Variants in C9orf85 observed in about 807,000 individuals in gnomAD.
C9orf85 encodes uncharacterized protein C9orf85.
Under a neutral mutation model 14.9 loss-of-function variants are expected in C9orf85, and 16 were observed. The ratio of observed to expected loss-of-function variants is 1.08; its 90% confidence interval spans 0.73 to 1.63. The LOEUF (loss-of-function observed/expected upper bound fraction) is 1.63, where lower values mean the gene tolerates loss of function less well. Among genes scored for constraint, C9orf85 ranks in the 40% most tolerant of loss-of-function variants. The pLI, the probability that C9orf85 is intolerant of heterozygous loss-of-function variation, is 0.00. For missense variants in C9orf85, 172 were observed against 186.1 expected, an observed-to-expected ratio of 0.92 and a Z score of 0.44; for synonymous variants, 45 against 56.8, an observed-to-expected ratio of 0.79 and a Z score of 0.93.
chr9:71,935,697 T>G (rs1051545766), intron 1 of C9orf85, among the ~76,000 whole-genome samples: 6 of 151,820 alleles, frequency 4.0e-5, no homozygotes, highest in Non-Finnish European at 8.8e-5. Context: ...GTTGTAAAAT[T>G]ATACAGACAG....
At chr9:71,918,501 G>T (rs536879675) in intron 1 of C9orf85, 5 of 1,245,474 alleles carry the variant, frequency 4.0e-6, no homozygotes, top group South Asian at 1.3e-5. Flanking sequence ...CCCGACCCCC[G>T]CATCGGTCCA....
chr9:71,968,101 T>TATATATAGAGAGAG (rs1554709461), intron 2 of C9orf85, among the ~76,000 whole-genome samples: 1 of 146,726 alleles, frequency 6.8e-6, no homozygotes, highest in East Asian at 2.0e-4. Flanking sequence ...TATATATATA[T>TATATATAGAGAGAG]AGAGAGAGAG....
chr9:71,925,746 T>C (rs139301528), intron 1 of C9orf85, among the ~76,000 whole-genome samples: 2 of 152,214 alleles, frequency 1.3e-5, no homozygotes, highest in Non-Finnish European at 2.9e-5. Flanking sequence ...TATATCTGAA[T>C]GTAGCGAACT....
chr9:71,927,001 A>G (rs1827945326), intron 1 of C9orf85, among the ~76,000 whole-genome samples: 2 of 152,094 alleles, frequency 1.3e-5, no homozygotes, highest in South Asian at 4.1e-4. Flanking sequence ...TTATTGTGGG[A>G]AAAAGATGTT....
chr9:71,975,101 C>T (rs1022201726), downstream of C9orf85, among the ~76,000 whole-genome samples: 2 of 152,032 alleles, frequency 1.3e-5, no homozygotes, highest in Non-Finnish European at 2.9e-5. Context: ...GGGAATACAT[C>T]AAAAAGTATT....
intron 1 of C9orf85, among the ~76,000 whole-genome samples, chr9:71,939,358 T>G (rs1828275259): frequency 6.6e-6 from 1 of 152,044 alleles, no homozygotes; most frequent in Admixed American, 6.6e-5. Context: ...TCCAAATTAC[T>G]ATAGAGTACA....
At chr9:71,969,258 C>T (rs1385113999) in intron 2 of C9orf85, among the ~76,000 whole-genome samples, 2 of 152,118 alleles carry the variant, frequency 1.3e-5, no homozygotes, top group Non-Finnish European at 2.9e-5. Flanking sequence ...AAGTGATTCT[C>T]CTGTCTCAGC....
chr9:71,911,660 T>G lies in C9orf85; in HGVS notation c.-75T>G. 7.9e-7 allele frequency: 1 copy of G among 1,261,512 alleles called. No homozygotes were observed. The highest frequency in any genetic ancestry group is 1.9e-4 in the Middle Eastern group (1 of 5,358). The allele number at this position is 1,261,512 out of a possible 1,614,324, so 78.1% of individuals were successfully genotyped here. Reference sequence around the variant, plus strand: ...GGTCATTGACAGAAGCGTCAATTCCTGGGAGTAGTTCGTTGGTTTTCTTTC... The same window carrying G: ...GGTCATTGACAGAAGCGTCAATTCCGGGGAGTAGTTCGTTGGTTTTCTTTC... On this transcript the variant is annotated 5_prime_UTR_variant, in exon 1 of 4. Transcript: ENST00000334731.
chr9:71,927,149 T>G (rs1287346946), intron 1 of C9orf85, among the ~76,000 whole-genome samples: 2 of 151,176 alleles, frequency 1.3e-5, no homozygotes, highest in Non-Finnish European at 2.9e-5. Flanking sequence ...TCATAAAAAG[T>G]AGGGTAAGGT....
chr9:71,985,543 T>G (rs539409171), downstream of C9orf85: 15 of 152,392 alleles, frequency 9.8e-5, no homozygotes, highest in East Asian at 2.5e-3. Context: ...AACGCGATTC[T>G]GATTATTTGA....
chr9:71,922,303 A>T (rs1339751888), intron 1 of C9orf85, among the ~76,000 whole-genome samples: 1 of 152,080 alleles, frequency 6.6e-6, no homozygotes, highest in Non-Finnish European at 1.5e-5. Context: ...TTTGGTTTGT[A>T]CATACCCTAA....
intron 1 of C9orf85, among the ~76,000 whole-genome samples, chr9:71,924,389 TG>T (rs1285703529): frequency 6.6e-6 from 1 of 152,246 alleles, no homozygotes; most frequent in Non-Finnish European, 1.5e-5. Flanking sequence ...ATTGTCCTTT[TG>T]TAACTAACTT....
chr9:71,927,420 A>G (rs568644730), intron 1 of C9orf85, among the ~76,000 whole-genome samples: 3 of 152,210 alleles, frequency 2.0e-5, no homozygotes, highest in Non-Finnish European at 4.4e-5. Flanking sequence ...CTGTTGTTAT[A>G]TAGAATTATA....
At chr9:71,972,479 G>A (rs1304279754) in intron 3 of C9orf85, among the ~76,000 whole-genome samples, 4 of 152,096 alleles carry the variant, frequency 2.6e-5, no homozygotes, top group Non-Finnish European at 4.4e-5. Flanking sequence ...GGCTGGTTTC[G>A]AACCCCTGGC....
chr9:71,932,326 C>T (rs1828090099), intron 1 of C9orf85, among the ~76,000 whole-genome samples: 1 of 152,118 alleles, frequency 6.6e-6, no homozygotes, highest in Admixed American at 6.5e-5. Context: ...TTAATCATAC[C>T]TTGCTTGCTC....
chr9:71,938,198 G>T (rs1307477294), intron 1 of C9orf85, among the ~76,000 whole-genome samples: 2 of 152,114 alleles, frequency 1.3e-5, no homozygotes, highest in Admixed American at 6.5e-5. Flanking sequence ...ATATAGTAGG[G>T]GTGTTCTGTC....
At chr9:71,958,542 G>A (rs1822436311) in intron 2 of C9orf85, among the ~76,000 whole-genome samples, 2 of 152,002 alleles carry the variant, frequency 1.3e-5, no homozygotes, top group African/African-American at 2.4e-5. Context: ...GATTACAGAC[G>A]TGAGCTACCG....
In C9orf85 at chr9:71,967,713, CTTTTTTT is replaced by C. The variant is rs55750667; in HGVS notation, c.210-3776_210-3770del. Among the ~76,000 whole-genome samples the C allele has an allele frequency of 6.7e-4, 63 of 94,080 alleles. No individual in the cohort carries two copies. The East Asian group carries it at 8.9e-3, about 13-fold the overall frequency. 61.7% of individuals were successfully genotyped at this position (94,080 alleles called of 152,430 possible). A position where few individuals can be genotyped will look rare whatever the true frequency, so the allele number is the denominator to read the frequency against. On this transcript the variant is annotated intron_variant, in intron 2 of 3. Transcript: ENST00000334731. ...CTTCTTTTCAATCTCTATGACCTTT[CTTTTTTT>C]TTTTTTTTTTTTTTTGGCTGCCATT... is the stretch of plus-strand genomic sequence containing the variant.
Position 71,972,964 on chromosome 9 carries a change from C to A in C9orf85, c.*122C>A. Reference sequence around the variant, plus strand: ...TTCGAGACCAGCCTGGCCAACATGGCGGAACCCCATCTCCACTAAAAGTAC... The same window carrying A: ...TTCGAGACCAGCCTGGCCAACATGGAGGAACCCCATCTCCACTAAAAGTAC... On this transcript the variant is annotated 3_prime_UTR_variant, in exon 4 of 4. Transcript: ENST00000334731. The A allele has an allele frequency of 1.6e-6, 1 of 628,466 alleles. No homozygotes were observed. The highest frequency in any genetic ancestry group is 2.5e-6 in the Non-Finnish European group (1 of 393,690). 38.9% of individuals were successfully genotyped at this position (628,466 alleles called of 1,614,324 possible).
Sources: gnomAD v4.1 joint callset for allele counts (sites outside exome capture counted in the v4.1 genomes callset) on GRCh38, gnomAD v4.1.1 for gene constraint, MANE v1.5 for transcripts, NCBI Gene and HGNC (gene_info 2026-07-23, HGNC 2026-07-21) for gene names.